AMPH: variants seen among roughly 807,000 people sequenced by gnomAD.
AMPH encodes the protein amphiphysin.
AMPH carries 49 observed loss-of-function variants against 99.1 expected under a neutral mutation model. That is an observed-to-expected ratio of 0.49 (90% confidence interval 0.39 to 0.63). The LOEUF (loss-of-function observed/expected upper bound fraction) is 0.63, where lower values mean the gene tolerates loss of function less well. Among genes scored for constraint, AMPH ranks in the 20% least tolerant of loss-of-function variants. The pLI, the probability that AMPH is intolerant of heterozygous loss-of-function variation, is 0.00. For synonymous variants in AMPH, 314 were observed against 317.3 expected (o/e 0.99, Z 0.11); for missense variants, 759 against 863.4 (o/e 0.88, Z 1.52).
intron 1 of AMPH, among the ~76,000 whole-genome samples, chr7:38,557,421 AT>A (rs111959347): frequency 0.046 from 7,001 of 152,200 alleles, 432 homozygotes; most frequent in East Asian, 0.16. Context: ...CCCTGTTCTC[AT>A]TGATAGTGAG....
intron 11 of AMPH, among the ~76,000 whole-genome samples, chr7:38,454,458 T>C (rs544522119): frequency 2.0e-5 from 3 of 152,166 alleles, no homozygotes; most frequent in Non-Finnish European, 4.4e-5. Context: ...GTATGGTCTT[T>C]TACTTGTAGA....
At chr7:38,585,226 T>G (rs1792602698) in intron 1 of AMPH, among the ~76,000 whole-genome samples, 1 of 152,176 alleles carries the variant, frequency 6.6e-6, no homozygotes, top group Non-Finnish European at 1.5e-5. Context: ...ATTCTGAGAA[T>G]CTACAAGGCC....
intron 1 of AMPH, among the ~76,000 whole-genome samples, chr7:38,549,987 C>T (rs1300217696): frequency 6.6e-6 from 1 of 152,212 alleles, no homozygotes; most frequent in Non-Finnish European, 1.5e-5. Flanking sequence ...ATTTACAACA[C>T]TTAATATTTT....
intron 1 of AMPH, among the ~76,000 whole-genome samples, chr7:38,568,472 A>C (rs529565529): frequency 8.5e-5 from 13 of 152,340 alleles, no homozygotes; most frequent in Non-Finnish European, 1.0e-4. Context: ...CTCCAAAAAA[A>C]AAGAATCCTT....
intron 11 of AMPH, among the ~76,000 whole-genome samples, chr7:38,448,367 T>C (rs1365610086): frequency 6.6e-6 from 1 of 152,230 alleles, no homozygotes; most frequent in Non-Finnish European, 1.5e-5. Flanking sequence ...AGGAGTTATG[T>C]TCCAAGATCC....
chr7:38,432,114 G>T lies in AMPH; in HGVS notation c.1158+75C>A, dbSNP rs761390189. 3.2e-6 allele frequency: 4 copies of T among 1,260,442 alleles called. No individual in the cohort carries two copies. The Admixed American group carries it at 5.0e-5, about 16-fold the overall frequency. The allele number at this position is 1,260,442 out of a possible 1,614,324, so 78.1% of individuals were successfully genotyped here. A position where few individuals can be genotyped will look rare whatever the true frequency, so the allele number is the denominator to read the frequency against. The stretch of plus-strand genomic sequence containing the variant: ...TATGTGTCTTCTTTCTGTTGCAAAT[G>T]AAATAAAATATAACAAGGTTTCCAA... On this transcript the variant is annotated intron_variant, in intron 13 of 20. Coordinates refer to ENST00000356264, the MANE Select transcript of AMPH (RefSeq NM_001635.4).
chr7:38,586,027 A>G (rs1792634367), intron 1 of AMPH, among the ~76,000 whole-genome samples: 1 of 152,192 alleles, frequency 6.6e-6, no homozygotes, highest in South Asian at 2.1e-4. Context: ...CACCCTTTAA[A>G]ATAATCTTAT....
At position 38,430,443 on chromosome 7, in the gene AMPH, T is replaced by C. The variant is rs144412502; in HGVS notation, c.1159-578A>G. Among the ~76,000 whole-genome samples, 10 of 152,346 alleles carry C rather than the reference T, an allele frequency of 6.6e-5. No homozygotes were observed. In the East Asian group the frequency reaches 1.9e-3, roughly 29 times the overall value. On this transcript the variant is annotated intron_variant, in intron 13 of 20. Transcript: ENST00000356264. ...TTGCAAAGTTGAGAAGATTAATAGC[T>C]GTGAGCAACTATGTTCAGAAAGCTG...
rs148713431 is a variant in AMPH, at chr7:38,613,778, A to G, written c.69+17505T>C. Among the ~76,000 whole-genome samples the G allele has an allele frequency of 2.8e-3, 420 of 150,568 alleles. 2 individuals carry two copies. Among genetic ancestry groups the G allele is most frequent in the African/African-American group, 9.8e-3 (398 of 40,778 alleles). ...AACGGTTCAAAGTAAACCTTAGGACAGAGGTTTAGCTGCAGGAATAAAAGC... is the reference window on the plus strand; with the variant it reads ...AACGGTTCAAAGTAAACCTTAGGACGGAGGTTTAGCTGCAGGAATAAAAGC... On this transcript the variant is annotated intron_variant, in intron 1 of 20. Transcript: ENST00000356264.
intron 16 of AMPH, 64 bp from the exon 17 acceptor site, chr7:38,418,014 G>A: frequency 1.9e-6 from 3 of 1,547,742 alleles, no homozygotes; most frequent in Non-Finnish European, 2.6e-6. Context: ...TAACATTACA[G>A]AATACTGGAC....
intron 1 of AMPH, among the ~76,000 whole-genome samples, chr7:38,571,101 TATATTC>T (rs536174130): frequency 1.5e-4 from 11 of 73,618 alleles, no homozygotes; most frequent in African/African-American, 5.8e-4. Flanking sequence ...ATTGAATATA[TATATTC>T]ATATATACAG....
intron 5 of AMPH, among the ~76,000 whole-genome samples, chr7:38,484,576 C>T (rs1788417649): frequency 1.3e-5 from 2 of 151,848 alleles, no homozygotes; most frequent in African/African-American, 4.8e-5. Context: ...ATTAGGCCTA[C>T]CTTATAAAAA....
chr7:38,481,933 C>G (rs563295028), intron 5 of AMPH, among the ~76,000 whole-genome samples: 31 of 152,246 alleles, frequency 2.0e-4, no homozygotes, highest in Middle Eastern at 6.8e-3. Flanking sequence ...TCACTCAACA[C>G]TATTTTTATA....
chr7:38,459,823 A>G (rs1787372821), intron 11 of AMPH, among the ~76,000 whole-genome samples: 1 of 152,190 alleles, frequency 6.6e-6, no homozygotes, highest in Admixed American at 6.5e-5. Flanking sequence ...ACAGATAACT[A>G]TAATAATAAT....
At chr7:38,499,219 C>T (rs1562792945) in intron 3 of AMPH, among the ~76,000 whole-genome samples, 1 of 152,174 alleles carries the variant, frequency 6.6e-6, no homozygotes, top group Non-Finnish European at 1.5e-5. Flanking sequence ...GCTGTGAGCT[C>T]CTTGCAAGCA....
chr7:38,511,594 T>G (rs1173193748), intron 2 of AMPH, among the ~76,000 whole-genome samples: 1 of 152,148 alleles, frequency 6.6e-6, no homozygotes, highest in African/African-American at 2.4e-5. Flanking sequence ...GAAAAAAGAA[T>G]AAGTTCATTT....
chr7:38,504,365 C>G (rs113802217), intron 2 of AMPH, among the ~76,000 whole-genome samples: 28 of 152,158 alleles, frequency 1.8e-4, no homozygotes, highest in Non-Finnish European at 3.2e-4. Context: ...CATATGAATG[C>G]CTGTTTTGGT....
At chr7:38,567,311 T>C (rs1213868203) in intron 1 of AMPH, among the ~76,000 whole-genome samples, 1 of 152,126 alleles carries the variant, frequency 6.6e-6, no homozygotes, top group East Asian at 1.9e-4. Context: ...ACACCGCATG[T>C]TCTCACCCAT....
At chr7:38,398,672 T>TA (rs1397382436) in intron 17 of AMPH, among the ~76,000 whole-genome samples, 1 of 152,106 alleles carries the variant, frequency 6.6e-6, no homozygotes, top group African/African-American at 2.4e-5. Flanking sequence ...TTGTACATTT[T>TA]AAAATAACTA....
Sources: allele counts gnomAD v4.1 joint callset (sites outside exome capture counted in the v4.1 genomes callset), GRCh38; gene constraint gnomAD v4.1.1; transcripts MANE v1.5; gene names NCBI Gene and HGNC (gene_info 2026-07-23, HGNC 2026-07-21).